Variants in RAD50 observed in about 807,000 individuals in gnomAD.
The protein encoded by RAD50 is RAD50 double strand break repair protein.
A neutral mutation model predicts 168.8 loss-of-function variants in RAD50; 132 were observed. That is an observed-to-expected ratio of 0.78 (90% confidence interval 0.68 to 0.90). The LOEUF is 0.90. RAD50 is among the 40% of genes least tolerant of loss of function. The pLI is 0.00. For synonymous variants in RAD50, 525 were observed against 497.4 expected (o/e 1.06, Z -0.74); for missense variants, 1,347 against 1,534.4 (o/e 0.88, Z 2.04).
At position 132,579,379 on chromosome 5, in the gene RAD50, C is replaced by A. The variant is rs754302772; in HGVS notation, c.428C>A (p.Ser143Tyr). 1.9e-6 allele frequency: 3 copies of A among 1,613,944 alleles called. No homozygotes were observed. The highest frequency in any genetic ancestry group is 3.3e-5 in the Admixed American group (2 of 60,026). ...CAEIDREMISSLGVSKAVLNN... is the reference protein window; with the variant it reads ...CAEIDREMISYLGVSKAVLNN... ...GAAATTGACCGAGAAATGATCAGTT[C>A]TCTTGGGGTTTCCAAGGCTGTGCTA... Residue 143 changes from serine (S) to tyrosine (Y), a missense_variant, in exon 4 of 25, where the codon TCT becomes TAT. By Grantham distance (144) the Ser-to-Tyr change is moderately radical. Coordinates refer to ENST00000378823, the MANE Select transcript of RAD50 (RefSeq NM_005732.4).
At chr5:132,641,129 A>T (rs1415162214) in intron 24 of RAD50, among the ~76,000 whole-genome samples, 1 of 152,156 alleles carries the variant, frequency 6.6e-6, no homozygotes, top group Non-Finnish European at 1.5e-5. Context: ...CCCACATGTC[A>T]TGCACAGCAA....
chr5:132,597,046 G>T (rs1325066436), intron 13 of RAD50, among the ~76,000 whole-genome samples: 3 of 152,178 alleles, frequency 2.0e-5, no homozygotes, highest in African/African-American at 7.2e-5. Flanking sequence ...AGGTCTAGTT[G>T]TAACTCTGAT....
intron 2 of RAD50, among the ~76,000 whole-genome samples, chr5:132,562,602 G>A (rs2149832412): frequency 6.6e-6 from 1 of 152,096 alleles, no homozygotes; most frequent in African/African-American, 2.4e-5. Flanking sequence ...GGGTGGATCT[G>A]GTTTAAACAT....
chr5:132,644,096 C>CTAGT lies in RAD50; in HGVS notation c.*1734_*1737dup, dbSNP rs1751800164. 2.6e-5 allele frequency: 5 copies of CTAGT among 195,642 alleles called. No homozygotes were observed. In the South Asian group the frequency reaches 9.6e-4, roughly 38 times the overall value. The allele number at this position is 195,642 out of a possible 1,614,324, so 12.1% of individuals were successfully genotyped here. A position where few individuals can be genotyped will look rare whatever the true frequency, so the allele number is the denominator to read the frequency against. The stretch of plus-strand genomic sequence containing the variant: ...TTCTATCAACATGTTAATGAAAGTG[C>CTAGT]TAGTTGTTGCAGCAAAGAATAACAA... On this transcript the variant is annotated 3_prime_UTR_variant, in exon 25 of 25. Coordinates refer to ENST00000378823, the MANE Select transcript of RAD50 (RefSeq NM_005732.4).
At chr5:132,625,482 A>G (rs1751359775) in intron 21 of RAD50, among the ~76,000 whole-genome samples, 1 of 152,164 alleles carries the variant, frequency 6.6e-6, no homozygotes, top group South Asian at 2.1e-4. Flanking sequence ...GCAGGCATAC[A>G]ATGCATAATA....
Position 132,640,811 on chromosome 5 carries a change from T to TATC in RAD50, c.3752+7_3752+9dup, listed in dbSNP as rs772887509. 5.0e-6 allele frequency: 8 copies of TATC among 1,613,054 alleles called. No homozygotes were observed. In the African/African-American group the frequency reaches 8.0e-5, roughly 16 times the overall value. ...CTTGCACATGCTCTGGTTGAGTAAG[T>TATC]ATCTCTTGCACATGCTCTGGTTGAG... On this transcript the variant is annotated splice_region_variant and intron_variant, in intron 24 of 24. Coordinates refer to ENST00000378823, the MANE Select transcript of RAD50 (RefSeq NM_005732.4).
At chr5:132,595,476 A>C (rs1457119906) in intron 12 of RAD50, 97 bp from the exon 13 acceptor site, 2 of 739,144 alleles carry the variant, frequency 2.7e-6, no homozygotes, top group Non-Finnish European at 4.3e-6. Context: ...TAAAGCAAGA[A>C]TAATCATATA....
chr5:132,575,992 GGTT>G (rs1750393132), intron 3 of RAD50, 64 bp downstream of exon 3: 6 of 1,446,664 alleles, frequency 4.1e-6, no homozygotes, highest in South Asian at 1.3e-5. Context: ...GTAAGTTGAT[GGTT>G]GTTTTCTACT....
At chr5:132,638,525 T>C (rs1751644132) in intron 23 of RAD50, among the ~76,000 whole-genome samples, 1 of 152,210 alleles carries the variant, frequency 6.6e-6, no homozygotes, top group Non-Finnish European at 1.5e-5. Flanking sequence ...CAGAATAAGG[T>C]CACTGTCTCA....
intron 21 of RAD50, among the ~76,000 whole-genome samples, chr5:132,631,910 C>G (rs1397920214): frequency 1.3e-5 from 2 of 152,192 alleles, no homozygotes; most frequent in East Asian, 3.8e-4. Context: ...CTAAGTAACT[C>G]TCACCTATTA....
intron 2 of RAD50, among the ~76,000 whole-genome samples, chr5:132,563,095 G>A (rs946375928): frequency 1.3e-5 from 2 of 152,214 alleles, no homozygotes; most frequent in Non-Finnish European, 2.9e-5. Flanking sequence ...GAATTTTGTT[G>A]TAAGTGGACA....
intron 2 of RAD50, among the ~76,000 whole-genome samples, chr5:132,574,089 C>A (rs554702159): frequency 1.3e-5 from 2 of 152,328 alleles, no homozygotes; most frequent in South Asian, 4.1e-4. Context: ...GCTGTCTTCT[C>A]ACAGCTCCAC....
chr5:132,565,695 C>T (rs1750195804), intron 2 of RAD50, among the ~76,000 whole-genome samples: 1 of 152,182 alleles, frequency 6.6e-6, no homozygotes, highest in Non-Finnish European at 1.5e-5. Flanking sequence ...AATGCCGTCT[C>T]TACTCTATGA....
intron 2 of RAD50, 119 bp downstream of exon 2, chr5:132,559,486 A>G: frequency 1.0e-6 from 1 of 962,514 alleles, no homozygotes; most frequent in East Asian, 2.7e-5. Flanking sequence ...ACACAGTTTT[A>G]GCACCCAGTA....
chr5:132,607,925 G>A (rs1751013479), intron 16 of RAD50, among the ~76,000 whole-genome samples: 1 of 152,190 alleles, frequency 6.6e-6, no homozygotes, highest in South Asian at 2.1e-4. Context: ...GAGGACCTCT[G>A]TTTTGAACTG....
rs895383549 is a variant in RAD50, at chr5:132,608,813, A to G, written c.2829+88A>G. The G allele has an allele frequency of 1.2e-5, 18 of 1,480,822 alleles. No homozygotes were observed. The African/African-American group carries it at 2.6e-4, about 21-fold the overall frequency. 91.7% of individuals were successfully genotyped at this position (1,480,822 alleles called of 1,614,324 possible). On this transcript the variant is annotated intron_variant, in intron 17 of 24. Transcript: ENST00000378823. ...ACGTCGGACACTTATTTCACATGAA[A>G]TTAAATAGCATAAGATAAATAGTAT... is the stretch of plus-strand genomic sequence containing the variant.
At chr5:132,630,604 C>T (rs1751446108) in intron 21 of RAD50, 1 of 152,192 alleles carries the variant, frequency 6.6e-6, no homozygotes, top group Admixed American at 6.5e-5. Context: ...CACACCTAAA[C>T]AAATGTTTAT....
At position 132,603,951 on chromosome 5, in the gene RAD50, CACA is replaced by C. The variant is rs1554099147; in HGVS notation, c.2434_2436del (p.Gln812del). ...CTTAAAGATGTTGAAAGAAAAATTGCACAACAAGCAGCTAAGCTACAAGGAATA... is the reference window on the plus strand; with the variant it reads ...CTTAAAGATGTTGAAAGAAAAATTGCACAAGCAGCTAAGCTACAAGGAATA... On this transcript the variant is annotated inframe_deletion, in exon 15 of 25. Coordinates refer to ENST00000378823, the MANE Select transcript of RAD50 (RefSeq NM_005732.4). 1 of 1,609,914 alleles carries C rather than the reference CACA, an allele frequency of 6.2e-7. No homozygotes were observed. The highest frequency in any genetic ancestry group is 8.5e-7 in the Non-Finnish European group (1 of 1,176,508).
At chr5:132,609,037 C>T (rs1439415578) in intron 17 of RAD50, 80 bp from the exon 18 acceptor site, 2 of 1,560,512 alleles carry the variant, frequency 1.3e-6, no homozygotes, top group Non-Finnish European at 1.7e-6. Flanking sequence ...TCATAACTTC[C>T]CAGCCAGTGT....
Sources: gnomAD v4.1 joint callset for allele counts (sites outside exome capture counted in the v4.1 genomes callset) on GRCh38, gnomAD v4.1.1 for gene constraint, MANE v1.5 for transcripts, NCBI Gene and HGNC (gene_info 2026-07-23, HGNC 2026-07-21) for gene names.